Variants in LPP observed in about 807,000 individuals in gnomAD.
LPP encodes the protein lipoma-preferred partner.
In LPP, 38 loss-of-function variants were observed where a neutral mutation model predicts 60.4. That is an observed-to-expected ratio of 0.63 (90% CI 0.49 to 0.83). The LOEUF (loss-of-function observed/expected upper bound fraction) is 0.83, where lower values mean the gene tolerates loss of function less well. Ranked by LOEUF, LPP falls within the 40% of genes least tolerant of loss-of-function variation. LPP has a pLI of 0.00. For missense variants in LPP, 902 were observed against 783.6 expected (o/e 1.15, Z -1.80); for synonymous variants, 328 against 290.8 (o/e 1.13, Z -1.30).
intron 6 of LPP, among the ~76,000 whole-genome samples, chr3:188,550,412 A>G (rs1262063377): frequency 6.6e-6 from 1 of 152,050 alleles, no homozygotes; most frequent in South Asian, 2.1e-4. Flanking sequence ...CCCCGTCTCT[A>G]CTAAAAATAC....
chr3:188,806,947 G>A (rs1749329776), intron 9 of LPP, among the ~76,000 whole-genome samples: 1 of 151,788 alleles, frequency 6.6e-6, no homozygotes, highest in African/African-American at 2.4e-5. Context: ...TAATGAGAAA[G>A]CTAATTCATT....
At chr3:188,193,403 G>A (rs1230882306) in intron 1 of LPP, among the ~76,000 whole-genome samples, 3 of 152,270 alleles carry the variant, frequency 2.0e-5, no homozygotes, top group East Asian at 3.9e-4. Context: ...CCTGTAAAAC[G>A]GGAATGATGA....
At chr3:188,301,773 C>A (rs575368986) in intron 2 of LPP, among the ~76,000 whole-genome samples, 136 of 152,038 alleles carry the variant, frequency 8.9e-4, no homozygotes, top group South Asian at 4.2e-4. Flanking sequence ...GTCACTGAAG[C>A]CTCTCAAGTA....
At chr3:188,411,779 A>T (rs932132448) in intron 4 of LPP, among the ~76,000 whole-genome samples, 1 of 152,200 alleles carries the variant, frequency 6.6e-6, no homozygotes, top group Admixed American at 6.5e-5. Flanking sequence ...ATGGCAGAAC[A>T]GTATAGTTCT....
intron 4 of LPP, among the ~76,000 whole-genome samples, chr3:188,468,706 A>G (rs1238066421): frequency 6.6e-6 from 1 of 152,130 alleles, no homozygotes; most frequent in Non-Finnish European, 1.5e-5. Flanking sequence ...TGGACCTGGG[A>G]CAAATTCTCT....
chr3:188,584,894 A>T (rs1342912636), intron 6 of LPP, among the ~76,000 whole-genome samples: 2 of 152,096 alleles, frequency 1.3e-5, no homozygotes, highest in East Asian at 3.8e-4. Context: ...CTCCCTGAAA[A>T]ATTCCATTCA....
intron 6 of LPP, among the ~76,000 whole-genome samples, chr3:188,579,790 T>G (rs1052459808): frequency 1.3e-5 from 2 of 149,642 alleles, no homozygotes; most frequent in African/African-American, 4.9e-5. Context: ...TCAGATCCTG[T>G]CTCTACAAAA....
intron 7 of LPP, among the ~76,000 whole-genome samples, chr3:188,702,247 C>T (rs922572987): frequency 3.3e-5 from 5 of 152,036 alleles, no homozygotes; most frequent in African/African-American, 1.2e-4. Flanking sequence ...TAAGCCACCA[C>T]GCCCAGCCTT....
chr3:188,493,397 A>G lies in LPP; in HGVS notation c.306+8693A>G, dbSNP rs180875996. 2.6e-5 allele frequency among the ~76,000 whole-genome samples: 4 copies of G among 151,950 alleles called. No individual in the cohort carries two copies. In the East Asian group the frequency reaches 7.7e-4, roughly 29 times the overall value. The stretch of plus-strand genomic sequence containing the variant: ...ATTTTACTAAACTGTGTCTAGACAC[A>G]GCTCGCTTTTTACCTATTCTGCTAT... On this transcript the variant is annotated intron_variant, in intron 5 of 11. Transcript: ENST00000617246.
chr3:188,782,775 A>G (rs1193308336), intron 9 of LPP, among the ~76,000 whole-genome samples: 1 of 151,258 alleles, frequency 6.6e-6, no homozygotes, highest in Non-Finnish European at 1.5e-5. Context: ...GCATAATCAT[A>G]TCATTATAAG....
chr3:188,832,212 A>G lies in LPP; in HGVS notation c.1411-33988A>G, dbSNP rs115852047. ...ATTACATGTTGTGATATACGAGTCC[A>G]TCTCAGCAGATAGAGAGACTCTCCT... On this transcript the variant is annotated intron_variant, in intron 9 of 11. Coordinates refer to ENST00000617246, the MANE Select transcript of LPP (RefSeq NM_001375462.1). Among the ~76,000 whole-genome samples the G allele has an allele frequency of 7.8e-3, 1,189 of 152,276 alleles. 16 individuals are homozygous for G. Among genetic ancestry groups the G allele is most frequent in the African/African-American group, 0.027 (1,122 of 41,532 alleles).
chr3:188,311,001 T>A (rs747931109), intron 2 of LPP, among the ~76,000 whole-genome samples: 17 of 152,278 alleles, frequency 1.1e-4, no homozygotes, highest in Middle Eastern at 3.4e-3. Flanking sequence ...CTGTGGAAAC[T>A]GAGGTGCTGA....
rs1841457754 is a variant in LPP at position 188,602,177 on chromosome 3, T to TATATATATTATGAC, written c.430-6976_430-6975insTATGACATATATAT. On this transcript the variant is annotated intron_variant, in intron 6 of 11. Coordinates refer to ENST00000617246, the MANE Select transcript of LPP (RefSeq NM_001375462.1). ...TAATATATATATAATATATATATAT[T>TATATATATTATGAC]ATATATATATATGACATTCTTAATC... 1.7e-5 allele frequency among the ~76,000 whole-genome samples: 2 copies of TATATATATTATGAC among 115,284 alleles called. 1 individual carries two copies. Among genetic ancestry groups the TATATATATTATGAC allele is most frequent in the Non-Finnish European group, 3.8e-5 (2 of 52,286 alleles). The allele number at this position is 115,284 out of a possible 152,430, so 75.6% of individuals were successfully genotyped here.
At chr3:188,233,341 C>T (rs1236326739) in intron 2 of LPP, among the ~76,000 whole-genome samples, 2 of 152,200 alleles carry the variant, frequency 1.3e-5, no homozygotes, top group African/African-American at 2.4e-5. Context: ...GTGAATTCTA[C>T]TCAGGTGCCA....
intron 9 of LPP, among the ~76,000 whole-genome samples, chr3:188,764,632 C>A (rs1187273505): frequency 6.6e-6 from 1 of 152,094 alleles, no homozygotes; most frequent in Non-Finnish European, 1.5e-5. Flanking sequence ...CTTATGTACC[C>A]TTCTGCACAT....
chr3:188,533,937 G>GTAA (rs1343575353), intron 6 of LPP, among the ~76,000 whole-genome samples: 4 of 152,140 alleles, frequency 2.6e-5, no homozygotes, highest in African/African-American at 9.7e-5. Flanking sequence ...TGTGTCATGC[G>GTAA]TAATAAGCAT....
At position 188,890,405 on chromosome 3, in the gene LPP, T is replaced by C. The variant is rs1443543096; in HGVS notation, c.*15926T>C. On this transcript the variant is annotated 3_prime_UTR_variant, in exon 12 of 12. Coordinates refer to ENST00000617246, the MANE Select transcript of LPP (RefSeq NM_001375462.1). ...TACATTACAAACCATCACTGATGTA[T>C]CCAAAATAGCACACATAGTTCAGTA... is the stretch of plus-strand genomic sequence containing the variant. 1 of 202,096 alleles carries C rather than the reference T, an allele frequency of 4.9e-6. No homozygotes were observed. Among genetic ancestry groups the C allele is most frequent in the Admixed American group, 6.0e-5 (1 of 16,756 alleles). The allele number at this position is 202,096 out of a possible 1,614,324, so 12.5% of individuals were successfully genotyped here. A position where few individuals can be genotyped will look rare whatever the true frequency, so the allele number is the denominator to read the frequency against.
rs1770522094 is a variant in LPP, at chr3:188,885,248, C to G, written c.*10769C>G. 1 of 201,008 alleles carries G rather than the reference C, an allele frequency of 5.0e-6. No homozygotes were observed. The highest frequency in any genetic ancestry group is 1.0e-5 in the Non-Finnish European group (1 of 97,710). The allele number at this position is 201,008 out of a possible 1,614,324, so 12.5% of individuals were successfully genotyped here. On this transcript the variant is annotated 3_prime_UTR_variant, in exon 12 of 12. Transcript: ENST00000617246. Reference sequence around the variant, plus strand: ...AATCTCCTGCATTAAATCTAAGAATCCTTTAAAATAATCACACCTGATAAG... The same window carrying G: ...AATCTCCTGCATTAAATCTAAGAATGCTTTAAAATAATCACACCTGATAAG...
At chr3:188,814,229 A>G (rs1751867653) in intron 9 of LPP, among the ~76,000 whole-genome samples, 1 of 152,194 alleles carries the variant, frequency 6.6e-6, no homozygotes, top group African/African-American at 2.4e-5. Flanking sequence ...TACCTCTGTC[A>G]CTTAGTAGAC....
Sources: gnomAD v4.1 joint callset for allele counts (sites outside exome capture counted in the v4.1 genomes callset) on GRCh38, gnomAD v4.1.1 for gene constraint, MANE v1.5 for transcripts, NCBI Gene and HGNC (gene_info 2026-07-23, HGNC 2026-07-21) for gene names.